Variants in LRP5 observed in about 807,000 individuals in gnomAD.
The protein encoded by LRP5 is LDL receptor related protein 5, also known as low-density lipoprotein receptor-related protein 5.
LRP5 carries 62 observed loss-of-function variants against 154.1 expected under a neutral mutation model. The observed-to-expected ratio is 0.40, with a 90% confidence interval of 0.33 to 0.50. The LOEUF (loss-of-function observed/expected upper bound fraction) is 0.50. Among genes scored for constraint, LRP5 ranks in the 20% least tolerant of loss-of-function variants. LRP5 has a pLI of 0.55. For missense variants in LRP5, 1,915 were observed against 2,336.7 expected (o/e 0.82, Z 3.72); for synonymous variants, 966 against 1,011.5 (o/e 0.96, Z 0.85).
intron 21 of LRP5, among the ~76,000 whole-genome samples, chr11:68,441,599 A>C (rs752678305): frequency 2.6e-5 from 4 of 152,220 alleles, no homozygotes; most frequent in Non-Finnish European, 4.4e-5. Context: ...TTAACCAGCC[A>C]GGAGTGCTAG....
chr11:68,369,954 C>T (rs1237564748), intron 5 of LRP5, among the ~76,000 whole-genome samples: 1 of 152,190 alleles, frequency 6.6e-6, no homozygotes, highest in East Asian at 1.9e-4. Flanking sequence ...TGTCCATGCC[C>T]TTATCACCTT....
chr11:68,436,904 A>G lies in LRP5; in HGVS notation c.4016A>G (p.Asn1339Ser), dbSNP rs142001526. 2.1e-5 allele frequency: 34 copies of G among 1,613,378 alleles called. No homozygotes were observed. Among genetic ancestry groups the G allele is most frequent in the African/African-American group, 1.5e-4 (11 of 74,824 alleles). Reference sequence around the variant, plus strand: ...CTCCTTGCAGCCATCTGCCTGCCCAACCAGTTCCGGTGTGCGAGCGGCCAG... The same window carrying G: ...CTCCTTGCAGCCATCTGCCTGCCCAGCCAGTTCCGGTGTGCGAGCGGCCAG... ...EADCDAICLP[N>S]QFRCASGQCV... Residue 1339 changes from asparagine (N) to serine (S), a missense_variant, in exon 19 of 23, where the codon AAC becomes AGC. Coordinates refer to ENST00000294304, the MANE Select transcript of LRP5 (RefSeq NM_002335.4).
rs1281412164 is a variant in LRP5, at chr11:68,363,802, G to A, written c.742G>A (p.Asp248Asn). Reference sequence around the variant, plus strand: ...CCCCTTCGCCCTGACGCTCTCCGGGGACACTCTGTACTGGACAGACTGGCA... The same window carrying A: ...CCCCTTCGCCCTGACGCTCTCCGGGAACACTCTGTACTGGACAGACTGGCA... ...THPFALTLSG[D>N]TLYWTDWQTR... is the part of the protein sequence containing the mutation. The change falls in exon 4 of 23, where the codon GAC becomes AAC. Residue 248 changes from aspartate (D) to asparagine (N), a missense_variant. This residue lies in a region of LRP5 where 773 missense variants were observed against 1,100.9 expected (regional missense o/e 0.70). Coordinates refer to ENST00000294304, the MANE Select transcript of LRP5 (RefSeq NM_002335.4). 1.2e-6 allele frequency: 2 copies of A among 1,613,042 alleles called. No individual in the cohort carries two copies. Among genetic ancestry groups the A allele is most frequent in the Non-Finnish European group, 1.7e-6 (2 of 1,179,924 alleles).
At position 68,348,089 on chromosome 11, in the gene LRP5, G is replaced by A. The variant is rs1348763555; in HGVS notation, c.334G>A (p.Gly112Ser). The change falls in exon 2 of 23, where the codon GGC becomes AGC. Residue 112 changes from glycine to serine, a missense_variant. Around this residue, in one of 3 missense-constraint regions of LRP5, gnomAD observed 773 missense variants for 1,100.9 expected, o/e 0.70. Transcript: ENST00000294304. ...VVISGLVSPD[G>S]LACDWVGKKL... The stretch of plus-strand genomic sequence containing the variant: ...CATCTCCGGCCTGGTCTCTCCCGAC[G>A]GCCTCGCCTGCGACTGGGTGGGCAA... 1.9e-6 allele frequency: 3 copies of A among 1,614,094 alleles called. No homozygotes were observed. Among genetic ancestry groups the A allele is most frequent in the Non-Finnish European group, 1.7e-6 (2 of 1,180,036 alleles).
At chr11:68,356,584 G>C (rs2098623346) in intron 2 of LRP5, among the ~76,000 whole-genome samples, 1 of 152,186 alleles carries the variant, frequency 6.6e-6, no homozygotes, top group Admixed American at 6.5e-5. Context: ...GTGCAGGGTG[G>C]TACATTTGTT....
chr11:68,323,513 A>G (rs2098597946), intron 1 of LRP5, among the ~76,000 whole-genome samples: 1 of 151,990 alleles, frequency 6.6e-6, no homozygotes, highest in South Asian at 2.1e-4. Flanking sequence ...CCCTGGGTTC[A>G]TGTGGTTCTC....
At chr11:68,304,924 G>A in the LRP5 span, among the ~76,000 whole-genome samples, 1 of 152,186 alleles carries the variant, frequency 6.6e-6, no homozygotes, top group Non-Finnish European at 1.5e-5. Context: ...GTAGGTGAAA[G>A]GAACTCATCT....
intron 21 of LRP5, among the ~76,000 whole-genome samples, chr11:68,440,558 G>C (rs1303144500): frequency 5.3e-5 from 8 of 152,192 alleles, no homozygotes; most frequent in Admixed American, 4.6e-4. Flanking sequence ...GCTTGGTGCC[G>C]AGATGTGAAC....
At position 68,396,562 on chromosome 11, in the gene LRP5, A is replaced by G. The variant is rs571313686; in HGVS notation, c.1584+6510A>G. On this transcript the variant is annotated intron_variant, in intron 7 of 22. Coordinates refer to ENST00000294304, the MANE Select transcript of LRP5 (RefSeq NM_002335.4). ...TGAATTGGGAGAAGAACAAAGGTCT[A>G]TGAAATGAGGTTTCATGTAGATGGC... is the stretch of plus-strand genomic sequence containing the variant. Among the ~76,000 whole-genome samples the G allele has an allele frequency of 4.1e-4, 63 of 152,346 alleles. 1 individual carries two copies. The highest frequency in any genetic ancestry group is 1.4e-3 in the African/African-American group (59 of 41,574).
At chr11:68,325,929 C>T (rs1342743248) in intron 1 of LRP5, among the ~76,000 whole-genome samples, 1 of 152,218 alleles carries the variant, frequency 6.6e-6, no homozygotes, top group Non-Finnish European at 1.5e-5. Flanking sequence ...GGGTTACCAT[C>T]GCATCGCAAT....
intron 1 of LRP5, among the ~76,000 whole-genome samples, chr11:68,338,867 G>GTT (rs11382677): frequency 0.11 from 10,054 of 91,898 alleles, 1,628 homozygotes; most frequent in African/African-American, 0.19. Flanking sequence ...CTTTTGTTTA[G>GTT]TTTTTTTTTT....
Position 68,426,118 on chromosome 11 carries a change from C to T in LRP5, c.3568C>T (p.Arg1190Cys), listed in dbSNP as rs767540992. 18 of 1,613,328 alleles carry T rather than the reference C, an allele frequency of 1.1e-5. No individual in the cohort carries two copies. Among genetic ancestry groups the T allele is most frequent in the African/African-American group, 2.7e-5 (2 of 75,072 alleles). Residue 1190 changes from arginine to cysteine, a missense_variant, in exon 16 of 23, where the codon CGC becomes TGC. Physicochemically the swap from Arg to Cys is radical, Grantham distance 180 (BLOSUM62 -3). This residue lies in a region of LRP5 where 1,094 missense variants were observed against 1,210.1 expected (regional missense o/e 0.90). Coordinates refer to ENST00000294304, the MANE Select transcript of LRP5 (RefSeq NM_002335.4). The part of the protein sequence containing the change: ...VEKTTGDKRT[R>C]IQGRVAHLTG... ...GAAGACCACCGGGGACAAGCGGACT[C>T]GCATCCAGGGCCGTGTCGCCCACCT...
chr11:68,409,864 A>G (rs1307604587), intron 9 of LRP5, 50 bp from the exon 10 acceptor site: 13 of 1,430,008 alleles, frequency 9.1e-6, no homozygotes, highest in Non-Finnish European at 1.3e-5. Context: ...AAAAAAAAAA[A>G]AGATGCTGGT....
Position 68,429,682 on chromosome 11 carries a change from A to G in LRP5, c.3745A>G (p.Asn1249Asp). The change falls in exon 17 of 23, where the codon AAC becomes GAC. Residue 1249 changes from asparagine to aspartate, a missense_variant. This residue lies in a region of LRP5 where 1,094 missense variants were observed against 1,210.1 expected (regional missense o/e 0.90). Transcript: ENST00000294304. ...SCPVHLVLLQ[N>D]LLTCGEPPTC... Reference sequence around the variant, plus strand: ...CCCAGTCCACCTCGTGCTCCTGCAGAACCTGCTGACCTGTGGAGGTAGGTG... The same window carrying G: ...CCCAGTCCACCTCGTGCTCCTGCAGGACCTGCTGACCTGTGGAGGTAGGTG... 1 of 1,614,172 alleles carries G rather than the reference A, an allele frequency of 6.2e-7. No individual in the cohort carries two copies. Among genetic ancestry groups the G allele is most frequent in the Non-Finnish European group, 8.5e-7 (1 of 1,180,044 alleles).
intron 7 of LRP5, among the ~76,000 whole-genome samples, chr11:68,400,050 C>G (rs2098651757): frequency 6.6e-6 from 1 of 152,034 alleles, no homozygotes; most frequent in South Asian, 2.1e-4. Context: ...TCTGAGCCAC[C>G]ATAGGGGTCT....
In LRP5 at chr11:68,429,871, C is replaced by G. The variant is rs1242928503; in HGVS notation, c.3763+171C>G. Among the ~76,000 whole-genome samples, 2 of 152,246 alleles carry G rather than the reference C, an allele frequency of 1.3e-5. No homozygotes were observed. The highest frequency in any genetic ancestry group is 2.4e-5 in the African/African-American group (1 of 41,464). ...TCTTTTCTACTATGTGCATTCGGTG[C>G]TATGAATTTTCCTCTAAGTACTGCG... On this transcript the variant is annotated intron_variant, in intron 17 of 22. Coordinates refer to ENST00000294304, the MANE Select transcript of LRP5 (RefSeq NM_002335.4).
chr11:68,420,812 A>T (rs1426984197), intron 13 of LRP5, among the ~76,000 whole-genome samples: 1 of 152,172 alleles, frequency 6.6e-6, no homozygotes, highest in Non-Finnish European at 1.5e-5. Context: ...TAAGGCCACT[A>T]TGAACATTTC....
At chr11:68,365,852 A>G in intron 5 of LRP5, 150 bp downstream of exon 5, 1 of 795,078 alleles carries the variant, frequency 1.3e-6, no homozygotes, top group Non-Finnish European at 2.0e-6. Context: ...CTGTGGTCCC[A>G]GCTACTCGGG....
At chr11:68,301,721 C>A in the LRP5 span, among the ~76,000 whole-genome samples, 1 of 138,346 alleles carries the variant, frequency 7.2e-6, no homozygotes, top group East Asian at 2.0e-4. Context: ...CTCCCAGGTT[C>A]ACACCATTCT....
Sources: gnomAD v4.1 joint callset for allele counts (sites outside exome capture counted in the v4.1 genomes callset) on GRCh38, gnomAD v4.1.1 for gene constraint, gnomAD v4.1.1 regional missense constraint, MANE v1.5 for transcripts, NCBI Gene and HGNC (gene_info 2026-07-23, HGNC 2026-07-21) for gene names.